Variants in TBXAS1 observed in about 807,000 individuals in gnomAD.
TBXAS1 encodes thromboxane-A synthase.
A neutral mutation model predicts 60.7 loss-of-function variants in TBXAS1; 48 were observed. The observed-to-expected ratio is 0.79, with a 90% CI of 0.63 to 1.01. The LOEUF (loss-of-function observed/expected upper bound fraction) is 1.01. TBXAS1 is among the 50% of genes least tolerant of loss of function. The pLI is 0.00. For missense variants in TBXAS1, 685 were observed against 686.3 expected (o/e 1.00, Z 0.02); for synonymous variants, 287 against 269.7 (o/e 1.06, Z -0.63).
At chr7:139,989,486 C>T (rs1306186180) in intron 9 of TBXAS1, among the ~76,000 whole-genome samples, 1 of 152,204 alleles carries the variant, frequency 6.6e-6, no homozygotes, top group Non-Finnish European at 1.5e-5. Flanking sequence ...ACATGGCTTC[C>T]TCCTCCTTCC....
chr7:139,891,101 C>A (rs1803571476), intron 3 of TBXAS1, among the ~76,000 whole-genome samples: 1 of 152,148 alleles, frequency 6.6e-6, no homozygotes, highest in South Asian at 2.1e-4. Flanking sequence ...CCTGTACCTA[C>A]TTCACCTGTC....
At chr7:140,017,466 G>A (rs561805954) in intron 11 of TBXAS1, among the ~76,000 whole-genome samples, 52 of 152,304 alleles carry the variant, frequency 3.4e-4, no homozygotes, top group Admixed American at 3.2e-3. Flanking sequence ...GTGATTCTGC[G>A]AATTCAGCTC....
intron 11 of TBXAS1, among the ~76,000 whole-genome samples, chr7:140,017,081 C>T (rs1385028000): frequency 6.6e-6 from 1 of 152,248 alleles, no homozygotes; most frequent in Non-Finnish European, 1.5e-5. Context: ...GAGGAAGGGC[C>T]TCCAGCTCTC....
chr7:139,953,878 G>T (rs1171649597), intron 6 of TBXAS1, among the ~76,000 whole-genome samples: 1 of 152,174 alleles, frequency 6.6e-6, no homozygotes, highest in Non-Finnish European at 1.5e-5. Context: ...TAACTAAAAG[G>T]TTTTTGCTTT....
chr7:139,886,497 G>A (rs956125536), intron 3 of TBXAS1, among the ~76,000 whole-genome samples: 1 of 150,512 alleles, frequency 6.6e-6, no homozygotes, highest in African/African-American at 2.5e-5. Flanking sequence ...AGTTTGATGA[G>A]GCAATTGTGG....
At chr7:139,813,605 G>T (rs1045375434) in intron 4 of TBXAS1, among the ~76,000 whole-genome samples, 1 of 152,138 alleles carries the variant, frequency 6.6e-6, no homozygotes, top group Non-Finnish European at 1.5e-5. Context: ...TCGGACCTTT[G>T]GTTGGGTCCC....
chr7:140,002,433 G>C (rs577449037), intron 9 of TBXAS1, among the ~76,000 whole-genome samples: 4 of 152,380 alleles, frequency 2.6e-5, no homozygotes, highest in South Asian at 4.1e-4. Context: ...GTCCTTTCCC[G>C]GGACGGGGAG....
chr7:139,850,763 A>G (rs1028771830), intron 1 of TBXAS1, among the ~76,000 whole-genome samples: 39 of 152,334 alleles, frequency 2.6e-4, no homozygotes, highest in African/African-American at 8.2e-4. Context: ...ACATGTAGAT[A>G]TAGTCACACA....
chr7:139,944,236 G>A (rs976286083), intron 5 of TBXAS1, among the ~76,000 whole-genome samples: 1 of 152,202 alleles, frequency 6.6e-6, no homozygotes, highest in Non-Finnish European at 1.5e-5. Context: ...TGTTTTGACA[G>A]AGGGAGAAGG....
At chr7:139,865,213 C>T (rs957991700) in intron 1 of TBXAS1, among the ~76,000 whole-genome samples, 46 of 152,190 alleles carry the variant, frequency 3.0e-4, no homozygotes, top group Non-Finnish European at 3.5e-4. Context: ...GAAGATCTCA[C>T]GTGTAAAATC....
At chr7:139,957,830 G>T in intron 8 of TBXAS1, 66 bp downstream of exon 8, 1 of 1,606,880 alleles carries the variant, frequency 6.2e-7, no homozygotes, top group Non-Finnish European at 8.5e-7. Flanking sequence ...CACTGTCTCT[G>T]CTCTTTCTCT....
At chr7:139,955,997 T>C (rs1809840127) in intron 7 of TBXAS1, among the ~76,000 whole-genome samples, 1 of 152,164 alleles carries the variant, frequency 6.6e-6, no homozygotes, top group African/African-American at 2.4e-5. Context: ...CCAAAGCCTT[T>C]CATTTCCTAG....
At chr7:139,950,469 G>A (rs1809117309) in intron 5 of TBXAS1, among the ~76,000 whole-genome samples, 1 of 152,116 alleles carries the variant, frequency 6.6e-6, no homozygotes, top group Non-Finnish European at 1.5e-5. Context: ...CATGAGCCTT[G>A]GCAACAGGGC....
At chr7:139,799,968 C>T (rs895690370) in intron 4 of TBXAS1, among the ~76,000 whole-genome samples, 11 of 152,210 alleles carry the variant, frequency 7.2e-5, no homozygotes, top group African/African-American at 2.7e-4. Flanking sequence ...GTTTCCACTT[C>T]TAGGTTCCAA....
intron 9 of TBXAS1, among the ~76,000 whole-genome samples, chr7:140,002,164 T>C (rs1813719522): frequency 1.3e-5 from 2 of 152,228 alleles, no homozygotes; most frequent in African/African-American, 4.8e-5. Context: ...TTTGCATTCC[T>C]CGTAAGCACA....
At chr7:139,888,184 T>C (rs1162302780) in intron 3 of TBXAS1, among the ~76,000 whole-genome samples, 1 of 152,186 alleles carries the variant, frequency 6.6e-6, no homozygotes, top group African/African-American at 2.4e-5. Context: ...TTCCCAGTAG[T>C]CCTCACCCAG....
chr7:139,928,713 A>C (rs909336252), intron 4 of TBXAS1, among the ~76,000 whole-genome samples: 4 of 152,192 alleles, frequency 2.6e-5, no homozygotes, highest in Admixed American at 2.6e-4. Context: ...CTCTTTCCCC[A>C]TAAGAATGTC....
chr7:139,778,614 G>C lies in TBXAS1; in HGVS notation c.-318+143G>C, dbSNP rs1385143596. 2 of 152,416 alleles carry C rather than the reference G, an allele frequency of 1.3e-5. No individual in the cohort carries two copies. Among genetic ancestry groups the C allele is most frequent in the Non-Finnish European group, 2.9e-5 (2 of 68,128 alleles). The allele number at this position is 152,416 out of a possible 1,614,324, so 9.4% of individuals were successfully genotyped here. ...CACGCCGCGGAAATGCAGCCCCCGG[G>C]GTGGTCGCTGGGTTCCTGCCGGAGT... On this transcript the variant is annotated intron_variant, in intron 1 of 16. Transcript: ENST00000336425. The surrounding 1 kb of genome is among the most constrained non-coding windows in gnomAD (Gnocchi z 4.8).
intron 2 of TBXAS1, among the ~76,000 whole-genome samples, chr7:139,874,771 C>G (rs1011049803): frequency 6.6e-6 from 1 of 152,112 alleles, no homozygotes; most frequent in African/African-American, 2.4e-5. Flanking sequence ...TCCACCCCTC[C>G]GTCAACCCAG....
Sources: gnomAD v4.1 joint callset for allele counts (sites outside exome capture counted in the v4.1 genomes callset) on GRCh38, gnomAD v4.1.1 for gene constraint, Gnocchi (gnomAD v3.1) non-coding constraint, MANE v1.5 for transcripts, NCBI Gene and HGNC (gene_info 2026-07-23, HGNC 2026-07-21) for gene names.